Variants in RBFOX1 observed in about 807,000 individuals in gnomAD.
RBFOX1 encodes the protein RNA binding protein fox-1 homolog 1.
RBFOX1 carries 8 observed loss-of-function variants against 57.7 expected under a neutral mutation model. The observed-to-expected ratio is 0.14, with a 90% CI of 0.08 to 0.25. The LOEUF (loss-of-function observed/expected upper bound fraction) is 0.25, where lower values mean the gene tolerates loss of function less well. RBFOX1 is among the 10% of genes least tolerant of loss of function. RBFOX1 has a pLI of 1.00. For missense variants in RBFOX1, 611 were observed against 548.5 expected (o/e 1.11, Z -1.14); for synonymous variants, 326 against 222.4 (o/e 1.47, Z -4.15).
intron 10 of RBFOX1, among the ~76,000 whole-genome samples, chr16:7,620,661 G>A (rs1231493810): frequency 6.6e-6 from 1 of 152,156 alleles, no homozygotes; most frequent in African/African-American, 2.4e-5. Context: ...TCTTAGATGT[G>A]GCTTTGTTGT....
intron 2 of RBFOX1, among the ~76,000 whole-genome samples, chr16:5,536,757 ATGTAACATCTTAT>A (rs1231149456): frequency 4.6e-5 from 7 of 151,696 alleles, no homozygotes; most frequent in Non-Finnish European, 8.8e-5. Context: ...TGAATGAGGG[ATGTAACATCTTAT>A]TGTAATATGT....
At chr16:6,954,708 C>G (rs751825223) in intron 3 of RBFOX1, among the ~76,000 whole-genome samples, 8 of 152,192 alleles carry the variant, frequency 5.3e-5, no homozygotes, top group South Asian at 4.2e-4. Context: ...GTGCCCAAGT[C>G]TAGCCATAGG....
chr16:6,688,545 C>G (rs12102441), intron 3 of RBFOX1, among the ~76,000 whole-genome samples: 1 of 152,028 alleles, frequency 6.6e-6, no homozygotes, highest in African/African-American at 2.4e-5. Context: ...TCCCAAGCAC[C>G]GTAGTGGGGA....
intron 3 of RBFOX1, among the ~76,000 whole-genome samples, chr16:6,703,538 C>T (rs1010219546): frequency 6.6e-6 from 1 of 151,978 alleles, no homozygotes; most frequent in Non-Finnish European, 1.5e-5. Flanking sequence ...TACTGTGACC[C>T]TGCCTCTAAA....
intron 3 of RBFOX1, among the ~76,000 whole-genome samples, chr16:6,789,962 T>C (rs2082629840): frequency 6.6e-6 from 1 of 151,742 alleles, no homozygotes; most frequent in African/African-American, 2.4e-5. Context: ...ATTTCTGGTC[T>C]TCCGTAACTT....
At chr16:7,100,798 T>C (rs2062561057) in intron 4 of RBFOX1, among the ~76,000 whole-genome samples, 1 of 152,178 alleles carries the variant, frequency 6.6e-6, no homozygotes, top group Admixed American at 6.5e-5. Context: ...CTCTCCAATG[T>C]CAGATGAATG....
intron 5 of RBFOX1, among the ~76,000 whole-genome samples, chr16:7,531,874 AC>A (rs2080167609): frequency 6.6e-6 from 1 of 151,980 alleles, no homozygotes; most frequent in African/African-American, 2.4e-5. Flanking sequence ...ATACAACTAA[AC>A]CCACACACAT....
At chr16:7,222,857 T>G (rs1440354128) in intron 4 of RBFOX1, among the ~76,000 whole-genome samples, 1 of 152,220 alleles carries the variant, frequency 6.6e-6, no homozygotes, top group Non-Finnish European at 1.5e-5. Flanking sequence ...AGGCATTGGT[T>G]GGTGGTTTAC....
chr16:6,412,764 A>G (rs1317925290), intron 2 of RBFOX1, among the ~76,000 whole-genome samples: 1 of 152,200 alleles, frequency 6.6e-6, no homozygotes. Flanking sequence ...TCTCGGAACC[A>G]TCTAATGATC....
At chr16:7,709,786 G>C in intron 15 of RBFOX1, 1 of 1,218,764 alleles carries the variant, frequency 8.2e-7, no homozygotes, top group Non-Finnish European at 1.0e-6. Context: ...GGAGGTAAGG[G>C]TGGGGTGAAC....
chr16:7,014,685 G>C (rs902302292), intron 3 of RBFOX1, among the ~76,000 whole-genome samples: 11 of 152,122 alleles, frequency 7.2e-5, no homozygotes, highest in African/African-American at 2.7e-4. Flanking sequence ...ATGGAATCTT[G>C]AGTGAGAGAG....
intron 1 of RBFOX1, among the ~76,000 whole-genome samples, chr16:5,244,572 A>C (rs961883875): frequency 1.3e-5 from 2 of 152,228 alleles, no homozygotes; most frequent in African/African-American, 2.4e-5. Flanking sequence ...CAGAGGCTGA[A>C]GCTCTCTCTG....
chr16:6,564,586 T>A (rs2097231550), intron 2 of RBFOX1, among the ~76,000 whole-genome samples: 1 of 151,938 alleles, frequency 6.6e-6, no homozygotes, highest in Non-Finnish European at 1.5e-5. Context: ...ATATATGGAA[T>A]CTAAAAAGCT....
At chr16:6,355,149 G>A (rs1600016175) in intron 2 of RBFOX1, among the ~76,000 whole-genome samples, 2 of 152,010 alleles carry the variant, frequency 1.3e-5, no homozygotes, top group Non-Finnish European at 2.9e-5. Context: ...TTTATTATTA[G>A]TATACTTTAA....
chr16:5,936,369 C>G (rs552195191), intron 4 of RBFOX1, among the ~76,000 whole-genome samples: 4 of 152,200 alleles, frequency 2.6e-5, no homozygotes, highest in African/African-American at 9.6e-5. Context: ...AGTGATCCAC[C>G]TACCTTAGCC....
intron 1 of RBFOX1, among the ~76,000 whole-genome samples, chr16:5,460,615 T>G (rs139268838): frequency 1.4e-3 from 212 of 152,374 alleles, no homozygotes; most frequent in African/African-American, 4.7e-3. Flanking sequence ...GTGCTCCTTG[T>G]CACAGCAACA....
intron 3 of RBFOX1, among the ~76,000 whole-genome samples, chr16:7,022,127 A>G (rs541481249): frequency 2.8e-5 from 4 of 143,058 alleles, no homozygotes; most frequent in East Asian, 4.3e-4. Flanking sequence ...TGGTGGAGCA[A>G]TCTCCACTCA....
intron 4 of RBFOX1, among the ~76,000 whole-genome samples, chr16:5,876,444 G>T (rs766178688): frequency 2.6e-5 from 4 of 152,152 alleles, no homozygotes; most frequent in African/African-American, 4.8e-5. Context: ...CCCCAAACCA[G>T]CTGGGGTGCT....
chr16:5,955,517 T>G (rs867197082), intron 4 of RBFOX1, among the ~76,000 whole-genome samples: 2 of 152,056 alleles, frequency 1.3e-5, no homozygotes, highest in Non-Finnish European at 2.9e-5. Flanking sequence ...TAAATAATCA[T>G]CATAGAAGTA....
Sources: allele counts gnomAD v4.1 joint callset (sites outside exome capture counted in the v4.1 genomes callset), GRCh38; gene constraint gnomAD v4.1.1; transcripts MANE v1.5; gene names NCBI Gene and HGNC (gene_info 2026-07-23, HGNC 2026-07-21).